The following HIP1 variants were observed in gnomAD, a reference collection of about 807,000 sequenced individuals.
HIP1 encodes huntingtin interacting protein 1.
In HIP1, 65 loss-of-function variants were observed where a neutral mutation model predicts 147.6. The observed-to-expected ratio is 0.44, with a 90% CI of 0.36 to 0.54. The LOEUF is 0.54. Ranked by LOEUF, HIP1 falls within the 20% of genes least tolerant of loss-of-function variation. The pLI, the probability that HIP1 is intolerant of heterozygous loss-of-function variation, is 0.00. For synonymous variants in HIP1, 479 were observed against 504.0 expected (o/e 0.95, Z 0.67); for missense variants, 1,061 against 1,299.6 (o/e 0.82, Z 2.82).
chr7:75,693,623 C>G (rs782295354), intron 1 of HIP1, among the ~76,000 whole-genome samples: 11 of 152,006 alleles, frequency 7.2e-5, no homozygotes, highest in Non-Finnish European at 2.9e-5. Context: ...ATGTGTAATC[C>G]TGGCGCTTTG....
Position 75,533,626 on chromosome 7 carries a change from G to A in HIP1, c.*4546C>T, listed in dbSNP as rs1481503329. On this transcript the variant is annotated 3_prime_UTR_variant, in exon 31 of 31. Coordinates refer to ENST00000336926, the MANE Select transcript of HIP1 (RefSeq NM_005338.7). ...ACCCCCTCGGTTTGTCCCTATGAGT[G>A]GTAATCAGTTTCATTTAGGGCCTTC... 1 of 232,460 alleles carries A rather than the reference G, an allele frequency of 4.3e-6. No individual in the cohort carries two copies. The highest frequency in any genetic ancestry group is 2.2e-5 in the African/African-American group (1 of 45,306). The allele number at this position is 232,460 out of a possible 1,614,324, so 14.4% of individuals were successfully genotyped here. A position where few individuals can be genotyped will look rare whatever the true frequency, so the allele number is the denominator to read the frequency against.
At chr7:75,635,029 A>G (rs1798377288) in intron 1 of HIP1, among the ~76,000 whole-genome samples, 1 of 151,434 alleles carries the variant, frequency 6.6e-6, no homozygotes, top group African/African-American at 2.4e-5. Context: ...TGTAAACATT[A>G]TGTTCTTTGG....
At position 75,542,568 on chromosome 7, in the gene HIP1, G is replaced by A. The variant is rs182104126; in HGVS notation, c.2890+283C>T. ...ACAAAAATTAGCCAGGCATGGTGGC[G>A]GGCGCCTGTAATCCTAGCTACTCGG... On this transcript the variant is annotated intron_variant, in intron 28 of 30. Transcript: ENST00000336926. Among the ~76,000 whole-genome samples, 853 of 151,954 alleles carry A rather than the reference G, an allele frequency of 5.6e-3. 6 individuals are homozygous for A. The highest frequency in any genetic ancestry group is 0.031 in the Middle Eastern group (9 of 294).
At position 75,542,422 on chromosome 7, in the gene HIP1, C is replaced by T. The variant is rs587623323; in HGVS notation, c.2890+429G>A. ...AAAAAAAGAAAAAAAAATGGCAGGG[C>T]GCGGTGGCTCACACCTATAATCCCA... On this transcript the variant is annotated intron_variant, in intron 28 of 30. Coordinates refer to ENST00000336926, the MANE Select transcript of HIP1 (RefSeq NM_005338.7). Among the ~76,000 whole-genome samples the T allele has an allele frequency of 9.4e-5, 14 of 148,534 alleles. 1 individual carries two copies. Among genetic ancestry groups the T allele is most frequent in the South Asian group, 8.7e-4 (4 of 4,622 alleles).
intron 1 of HIP1, among the ~76,000 whole-genome samples, chr7:75,646,599 C>A (rs115964355): frequency 6.6e-6 from 1 of 152,240 alleles, no homozygotes; most frequent in Non-Finnish European, 1.5e-5. Flanking sequence ...GTAACCACGA[C>A]CGGTCATCCG....
At chr7:75,669,204 A>C (rs77140712) in intron 1 of HIP1, among the ~76,000 whole-genome samples, 1 of 28,816 alleles carries the variant, frequency 3.5e-5, no homozygotes, top group Non-Finnish European at 6.8e-5. Context: ...TCTATACTAA[A>C]AAAAAAAAAA....
At chr7:75,563,331 C>G in intron 9 of HIP1, 68 bp from the exon 10 acceptor site, 1 of 1,467,118 alleles carries the variant, frequency 6.8e-7, no homozygotes, top group Non-Finnish European at 9.5e-7. Flanking sequence ...GACAGAGCAG[C>G]CACCTGGCTT....
intron 1 of HIP1, among the ~76,000 whole-genome samples, chr7:75,686,105 G>A (rs782731684): frequency 6.6e-6 from 1 of 151,486 alleles, no homozygotes; most frequent in Non-Finnish European, 1.5e-5. Flanking sequence ...GGCCAGGCTG[G>A]TCTTGAACTC....
At chr7:75,627,260 C>T (rs887139093) in intron 1 of HIP1, among the ~76,000 whole-genome samples, 1 of 152,178 alleles carries the variant, frequency 6.6e-6, no homozygotes, top group Non-Finnish European at 1.5e-5. Context: ...TAAACCTTTT[C>T]CAAATAAATG....
intron 2 of HIP1, among the ~76,000 whole-genome samples, chr7:75,595,251 T>TCTTTCTTCCTTC (rs1491144475): frequency 1.9e-3 from 112 of 59,458 alleles, no homozygotes; most frequent in South Asian, 2.5e-3. Context: ...TTTCTTTCTT[T>TCTTTCTTCCTTC]CTTCCTTCCT....
In HIP1 at chr7:75,621,225, A is replaced by C. The variant is rs1797836412; in HGVS notation, c.121-21978T>G. 2.0e-5 allele frequency among the ~76,000 whole-genome samples: 3 copies of C among 152,194 alleles called. No homozygotes were observed. In the South Asian group the frequency reaches 6.2e-4, roughly 32 times the overall value. ...CTGTCTCAAAAAATAAATAACATGA[A>C]GAGGAAGTGAGCCTGGTACACACCT... On this transcript the variant is annotated intron_variant, in intron 1 of 30. Transcript: ENST00000336926.
At chr7:75,640,990 G>C (rs1798633873) in intron 1 of HIP1, among the ~76,000 whole-genome samples, 1 of 151,594 alleles carries the variant, frequency 6.6e-6, no homozygotes, top group South Asian at 2.1e-4. Flanking sequence ...TGCCTCCTAG[G>C]GGTATGTGAG....
intron 1 of HIP1, among the ~76,000 whole-genome samples, chr7:75,728,980 C>G (rs1801741045): frequency 6.6e-6 from 1 of 151,380 alleles, no homozygotes; most frequent in Non-Finnish European, 1.5e-5. Context: ...GGGTACTATG[C>G]TCACTACCTA....
At chr7:75,647,052 A>T (rs1231839898) in intron 1 of HIP1, among the ~76,000 whole-genome samples, 1 of 151,370 alleles carries the variant, frequency 6.6e-6, no homozygotes, top group Non-Finnish European at 1.5e-5. Context: ...TACCCCTCTC[A>T]CTCTGGTACC....
Position 75,559,832 on chromosome 7 carries a change from C to A in HIP1, c.1275G>T (p.Gln425His). ...DLAEQQHLRQ[Q>H]AADDCEFLRA... ...GCAGGAATTCACAGTCGTCGGCCGCCTGCTGCCGCAGGTGCTGCTGCTCGG... is the reference window on the plus strand; with the variant it reads ...GCAGGAATTCACAGTCGTCGGCCGCATGCTGCCGCAGGTGCTGCTGCTCGG... The change falls in exon 14 of 31, where the codon CAG becomes CAT. Residue 425 changes from glutamine to histidine, a missense_variant. Gln to His is a conservative substitution (Grantham distance 24). Transcript: ENST00000336926. The A allele has an allele frequency of 6.2e-7, 1 of 1,612,916 alleles. No homozygotes were observed. Among genetic ancestry groups the A allele is most frequent in the Non-Finnish European group, 8.5e-7 (1 of 1,179,914 alleles).
intron 1 of HIP1, among the ~76,000 whole-genome samples, chr7:75,632,006 G>C (rs1563257626): frequency 6.6e-6 from 1 of 152,154 alleles, no homozygotes. Flanking sequence ...TTTGCATCTG[G>C]ACTTAGCCCC....
At chr7:75,688,206 G>A (rs1322339008) in intron 1 of HIP1, among the ~76,000 whole-genome samples, 4 of 152,072 alleles carry the variant, frequency 2.6e-5, no homozygotes, top group Non-Finnish European at 4.4e-5. Flanking sequence ...ACACCCCTCC[G>A]TGGGCCACAA....
intron 6 of HIP1, 120 bp downstream of exon 6, chr7:75,581,955 G>T: frequency 2.7e-6 from 2 of 743,618 alleles, no homozygotes; most frequent in South Asian, 3.5e-5. Flanking sequence ...GTCACCCAGG[G>T]GCTTTGGTCC....
chr7:75,631,356 T>C (rs1356454101), intron 1 of HIP1, among the ~76,000 whole-genome samples: 3 of 152,126 alleles, frequency 2.0e-5, no homozygotes, highest in African/African-American at 7.2e-5. Flanking sequence ...GGAAACAGTA[T>C]GAGGAGATCA....
Sources: gnomAD v4.1 joint callset for allele counts (sites outside exome capture counted in the v4.1 genomes callset) on GRCh38, gnomAD v4.1.1 for gene constraint, MANE v1.5 for transcripts, NCBI Gene and HGNC (gene_info 2026-07-23, HGNC 2026-07-21) for gene names.